DMXL2: variants seen among roughly 807,000 people sequenced by gnomAD.
DMXL2 encodes the protein Dmx like 2.
Under a neutral mutation model 331.1 loss-of-function variants are expected in DMXL2, and 103 were observed. The observed-to-expected ratio is 0.31, with a 90% confidence interval of 0.27 to 0.37. DMXL2 has a LOEUF of 0.37. Among genes scored for constraint, DMXL2 ranks in the 10% least tolerant of loss-of-function variants. The probability of loss-of-function intolerance (pLI) is 1.00; values close to 1 mark genes in which losing one functional copy is unlikely to be tolerated. For missense variants in DMXL2, 3,171 were observed against 3,642.9 expected (o/e 0.87, Z 3.33); for synonymous variants, 1,281 against 1,252.1 (o/e 1.02, Z -0.49).
Position 51,474,869 on chromosome 15 carries a change from G to A in DMXL2, c.6965-277C>T, listed in dbSNP as rs2041434299. 2.6e-5 allele frequency among the ~76,000 whole-genome samples: 4 copies of A among 152,124 alleles called. No homozygotes were observed. The South Asian group carries it at 6.2e-4, about 24-fold the overall frequency. ...ATTTCAACTAATACATAAAATGAGT[G>A]ATAGTGTTAGAAAATCACCAGCTAG... On this transcript the variant is annotated intron_variant, in intron 27 of 43. Transcript: ENST00000560891.
At chr15:51,502,040 C>G (rs1054079836) in intron 17 of DMXL2, among the ~76,000 whole-genome samples, 1 of 151,228 alleles carries the variant, frequency 6.6e-6, no homozygotes, top group Non-Finnish European at 1.5e-5. Context: ...ACCATCCTGG[C>G]TAACACGGTG....
intron 15 of DMXL2, among the ~76,000 whole-genome samples, chr15:51,511,134 C>A (rs1004209135): frequency 6.6e-6 from 1 of 152,160 alleles, no homozygotes; most frequent in South Asian, 2.1e-4. Flanking sequence ...CAGGCATGGG[C>A]AAAGCCTTCA....
intron 5 of DMXL2, 69 bp from the exon 6 acceptor site, chr15:51,563,516 A>T: frequency 9.0e-7 from 1 of 1,109,242 alleles, no homozygotes; most frequent in Non-Finnish European, 1.3e-6. Context: ...AATGGTCAAG[A>T]TGAGATTTTT....
intron 6 of DMXL2, among the ~76,000 whole-genome samples, chr15:51,558,720 A>C (rs1436018528): frequency 6.6e-6 from 1 of 152,190 alleles, no homozygotes; most frequent in East Asian, 1.9e-4. Context: ...CAACCCAAAA[A>C]GCCTTCAGTG....
chr15:51,620,682 G>C (rs1275548739), intron 1 of DMXL2, among the ~76,000 whole-genome samples: 1 of 152,204 alleles, frequency 6.6e-6, no homozygotes, highest in Non-Finnish European at 1.5e-5. Flanking sequence ...CAATAAGATT[G>C]TAAAATAAGG....
intron 2 of DMXL2, among the ~76,000 whole-genome samples, chr15:51,574,914 A>G (rs2050918094): frequency 6.6e-6 from 1 of 152,212 alleles, no homozygotes; most frequent in Admixed American, 6.5e-5. Context: ...ACTATCATAC[A>G]ACTTTAGGCA....
At position 51,474,552 on chromosome 15, in the gene DMXL2, A is replaced by G; in HGVS notation, c.7005T>C (p.Asp2335=). Residue 2335 remains aspartate (D), a synonymous_variant, in exon 28 of 44, where the codon GAT becomes GAC. Transcript: ENST00000560891. ...AAATGTTCAGTTTTGGCTGGTCTTC[A>G]TCTTGGGCTGAACTCAAAAGATTAA... ...SLINLLSSAQ[D]EDQPKLNILL... is the part of the protein sequence containing the mutation. The G allele has an allele frequency of 1.2e-6, 2 of 1,614,122 alleles. No homozygotes were observed. The highest frequency in any genetic ancestry group is 1.7e-6 in the Non-Finnish European group (2 of 1,179,982).
intron 3 of DMXL2, chr15:51,567,616 A>C (rs947037437): frequency 1.3e-5 from 2 of 152,254 alleles, no homozygotes; most frequent in African/African-American, 4.8e-5. Context: ...AAAACAAACA[A>C]CACAAAGGCT....
At chr15:51,562,190 T>C (rs756640004) in intron 6 of DMXL2, among the ~76,000 whole-genome samples, 11 of 152,190 alleles carry the variant, frequency 7.2e-5, no homozygotes, top group African/African-American at 2.7e-4. Flanking sequence ...TTGACCATCA[T>C]TACACATTAC....
Position 51,464,750 on chromosome 15 carries a change from G to A in DMXL2, c.7733C>T (p.Thr2578Ile), listed in dbSNP as rs2040426090. ...PPPNYINTYP[T>I]DLSVGAGPAI... The stretch of plus-strand genomic sequence containing the variant: ...TGGTCCAGCTCCCACTGAAAGGTCA[G>A]TTGGATATGTGTTGATATAGTTAGG... Residue 2578 changes from threonine (T) to isoleucine (I), a missense_variant, in exon 32 of 44, where the codon ACT (threonine) becomes ATT (isoleucine). Around this residue, in one of 7 missense-constraint regions of DMXL2, gnomAD observed 766 missense variants for 940.5 expected, o/e 0.81. Coordinates refer to ENST00000560891, the MANE Select transcript of DMXL2 (RefSeq NM_001378457.1). The A allele has an allele frequency of 6.2e-7, 1 of 1,614,014 alleles. No homozygotes were observed. The highest frequency in any genetic ancestry group is 8.5e-7 in the Non-Finnish European group (1 of 1,180,006).
chr15:51,620,943 G>C (rs2054585389), intron 1 of DMXL2, among the ~76,000 whole-genome samples: 1 of 152,186 alleles, frequency 6.6e-6, no homozygotes, highest in Non-Finnish European at 1.5e-5. Context: ...CTCCACTTTA[G>C]ATGGAAGCAG....
chr15:51,484,804 A>C (rs2042267063), intron 23 of DMXL2, among the ~76,000 whole-genome samples: 1 of 152,246 alleles, frequency 6.6e-6, no homozygotes, highest in Non-Finnish European at 1.5e-5. Flanking sequence ...CAGATACAAA[A>C]GAATACAGAT....
At chr15:51,549,750 T>C (rs1386695938) in intron 6 of DMXL2, among the ~76,000 whole-genome samples, 1 of 152,182 alleles carries the variant, frequency 6.6e-6, no homozygotes, top group African/African-American at 2.4e-5. Context: ...CAGCCATTTG[T>C]ATATCCTCCT....
chr15:51,454,609 G>A (rs1463097962), intron 40 of DMXL2, among the ~76,000 whole-genome samples: 5 of 152,180 alleles, frequency 3.3e-5, no homozygotes, highest in Middle Eastern at 3.4e-3. Flanking sequence ...CGATTCTCCT[G>A]CCTCAGCCTC....
chr15:51,464,069 T>C (rs1242166017), intron 32 of DMXL2, among the ~76,000 whole-genome samples: 1 of 152,178 alleles, frequency 6.6e-6, no homozygotes, highest in African/African-American at 2.4e-5. Context: ...TTTGCATATA[T>C]AGATTGTTAG....
At position 51,499,765 on chromosome 15, in the gene DMXL2, T is replaced by G; in HGVS notation, c.3459A>C (p.Ala1153=). ...SNLFVYSKSD[A]LLSKDRYLIP... Reference sequence around the variant, plus strand: ...TAAGATATCTATCCTTGCTCAAGAGTGCATCTGACTTGCTATACACAAACA... The same window carrying G: ...TAAGATATCTATCCTTGCTCAAGAGGGCATCTGACTTGCTATACACAAACA... Residue 1153 remains alanine (A), a synonymous_variant, in exon 18 of 44, where the codon GCA becomes GCC. Transcript: ENST00000560891. The G allele has an allele frequency of 6.2e-7, 1 of 1,614,086 alleles. No homozygotes were observed. The highest frequency in any genetic ancestry group is 8.5e-7 in the Non-Finnish European group (1 of 1,180,010).
intron 13 of DMXL2, among the ~76,000 whole-genome samples, chr15:51,528,670 T>C (rs755091444): frequency 6.6e-6 from 1 of 152,114 alleles, no homozygotes; most frequent in Non-Finnish European, 1.5e-5. Context: ...AATAAAATCA[T>C]AGCTTGAGAC....
At chr15:51,581,037 C>T (rs1311181472) in intron 1 of DMXL2, among the ~76,000 whole-genome samples, 1 of 152,098 alleles carries the variant, frequency 6.6e-6, no homozygotes, top group Non-Finnish European at 1.5e-5. Context: ...ACTATTACCA[C>T]AATAAAGATA....
intron 1 of DMXL2, among the ~76,000 whole-genome samples, chr15:51,621,048 T>C (rs1313289137): frequency 6.6e-6 from 1 of 152,184 alleles, no homozygotes; most frequent in Non-Finnish European, 1.5e-5. Context: ...CCTGAGGAAC[T>C]TCCTATCTGC....
Sources: gnomAD v4.1 joint callset for allele counts (sites outside exome capture counted in the v4.1 genomes callset) on GRCh38, gnomAD v4.1.1 for gene constraint, gnomAD v4.1.1 regional missense constraint, MANE v1.5 for transcripts, NCBI Gene and HGNC (gene_info 2026-07-23, HGNC 2026-07-21) for gene names.